Variants in GAB2 observed in about 807,000 individuals in gnomAD.
The protein encoded by GAB2 is GRB2-associated-binding protein 2.
A neutral mutation model predicts 65.5 loss-of-function variants in GAB2; 26 were observed. That is an observed-to-expected ratio of 0.40 (90% CI 0.29 to 0.55). The LOEUF is 0.55. GAB2 is among the 20% of genes least tolerant of loss of function. The pLI is 0.53. For missense variants in GAB2, 884 were observed against 875.8 expected, an observed-to-expected ratio of 1.01 and a Z score of -0.12; for synonymous variants, 321 against 329.6, an observed-to-expected ratio of 0.97 and a Z score of 0.28.
At chr11:78,329,734 C>G (rs11237456) in intron 1 of GAB2, among the ~76,000 whole-genome samples, 38,903 of 152,108 alleles carry the variant, frequency 0.26, 5,658 homozygotes, top group East Asian at 0.41. Flanking sequence ...ACTAGAAACA[C>G]AGAGATCTGT....
chr11:78,402,843 C>T (rs745635646), intron 1 of GAB2, among the ~76,000 whole-genome samples: 39 of 152,170 alleles, frequency 2.6e-4, no homozygotes, highest in Non-Finnish European at 5.0e-4. Flanking sequence ...TGCCCCAGCC[C>T]GCCCCACCAC....
intron 1 of GAB2, among the ~76,000 whole-genome samples, chr11:78,299,657 A>T (rs551637071): frequency 2.8e-4 from 42 of 152,346 alleles, no homozygotes; most frequent in Non-Finnish European, 5.4e-4. Context: ...ATTCTACAAA[A>T]ATGGAGGGAA....
chr11:78,228,190 G>C (rs922182735), intron 3 of GAB2, among the ~76,000 whole-genome samples: 1 of 152,118 alleles, frequency 6.6e-6, no homozygotes, highest in Non-Finnish European at 1.5e-5. Flanking sequence ...CAAGCCCTTC[G>C]TTTCACAAGA....
At chr11:78,413,534 T>C (rs1857155681) in intron 1 of GAB2, among the ~76,000 whole-genome samples, 1 of 152,124 alleles carries the variant, frequency 6.6e-6, no homozygotes, top group Non-Finnish European at 1.5e-5. Flanking sequence ...TTTGTCAGAA[T>C]AGCTTTGGTG....
In GAB2 at chr11:78,226,560, T is replaced by A. The variant is rs370811607; in HGVS notation, c.1112A>T (p.Gln371Leu). The part of the protein sequence containing the change: ...AETPRWGSPQ[Q>L]RPPISENSRS... ...GCTATTTTCACTGATTGGCGGTCTC[T>A]GCTGAGGACTGCCCCATCGAGGTGT... The change falls in exon 4 of 10, where the codon CAG becomes CTG. Residue 371 changes from glutamine (Q) to leucine (L), a missense_variant. By Grantham distance (113) the Gln-to-Leu change is moderately radical. Transcript: ENST00000361507. 6.8e-7 allele frequency: 1 copy of A among 1,465,362 alleles called. No homozygotes were observed. The allele number at this position is 1,465,362 out of a possible 1,614,324, so 90.8% of individuals were successfully genotyped here. A position where few individuals can be genotyped will look rare whatever the true frequency, so the allele number is the denominator to read the frequency against.
At chr11:78,245,089 A>G (rs1865259913) in intron 3 of GAB2, among the ~76,000 whole-genome samples, 1 of 152,208 alleles carries the variant, frequency 6.6e-6, no homozygotes, top group South Asian at 2.1e-4. Context: ...GAGTCCATGT[A>G]TATGAGGCAT....
intron 1 of GAB2, among the ~76,000 whole-genome samples, chr11:78,402,450 A>G (rs528490822): frequency 6.6e-6 from 1 of 151,548 alleles, no homozygotes; most frequent in Non-Finnish European, 1.5e-5. Flanking sequence ...TTTTTTTGAG[A>G]CAGAGTTTCA....
intron 1 of GAB2, among the ~76,000 whole-genome samples, chr11:78,408,892 T>C (rs1857089554): frequency 6.6e-6 from 1 of 152,232 alleles, no homozygotes; most frequent in African/African-American, 2.4e-5. Context: ...TCCCCAGCCA[T>C]GCTTCCTGTA....
intron 2 of GAB2, 138 bp downstream of exon 2, chr11:78,280,463 C>CCCCTTCACA: frequency 1.4e-6 from 1 of 740,270 alleles, no homozygotes; most frequent in Non-Finnish European, 2.3e-6. Flanking sequence ...ATTTGGCCAA[C>CCCCTTCACA]CCCTTCACAC....
intron 5 of GAB2, among the ~76,000 whole-genome samples, chr11:78,224,310 C>T (rs1032322735): frequency 3.9e-5 from 6 of 152,128 alleles, no homozygotes; most frequent in Non-Finnish European, 5.9e-5. Flanking sequence ...CTGCCCTCCA[C>T]CTCAAGTCCA....
chr11:78,273,604 T>G (rs936705969), intron 2 of GAB2, among the ~76,000 whole-genome samples: 1 of 152,218 alleles, frequency 6.6e-6, no homozygotes, highest in Non-Finnish European at 1.5e-5. Context: ...GGCCTTGCCT[T>G]GGATGAGACT....
At chr11:78,346,722 A>ATATATATATATT (rs1565168352) in intron 1 of GAB2, among the ~76,000 whole-genome samples, 26 of 30,786 alleles carry the variant, frequency 8.4e-4, no homozygotes, top group South Asian at 1.1e-3. Flanking sequence ...TATATATATA[A>ATATATATATATT]TTTTTTTTTT....
chr11:78,264,807 A>G lies in GAB2; in HGVS notation c.377-14407T>C, dbSNP rs574517348. 2.0e-4 allele frequency among the ~76,000 whole-genome samples: 31 copies of G among 152,338 alleles called. No homozygotes were observed. The South Asian group carries it at 6.4e-3, about 32-fold the overall frequency. The stretch of plus-strand genomic sequence containing the variant: ...TATTTGATAAACATATTAATCACAC[A>G]TAGCAAAAAGGTTTTTGAGTTTGGG... On this transcript the variant is annotated intron_variant, in intron 2 of 9. Coordinates refer to ENST00000361507, the MANE Select transcript of GAB2 (RefSeq NM_080491.3).
At chr11:78,358,968 A>T (rs765189964) in intron 1 of GAB2, among the ~76,000 whole-genome samples, 1 of 152,246 alleles carries the variant, frequency 6.6e-6, no homozygotes, top group Non-Finnish European at 1.5e-5. Flanking sequence ...TTGAAATGAA[A>T]AAGTCCATGG....
chr11:78,352,378 C>CGTCA (rs1306941799), intron 1 of GAB2, among the ~76,000 whole-genome samples: 1 of 152,188 alleles, frequency 6.6e-6, no homozygotes, highest in African/African-American at 2.4e-5. Context: ...TTCACAGAAC[C>CGTCA]CGTCATAAGG....
intron 1 of GAB2, among the ~76,000 whole-genome samples, chr11:78,360,976 C>T (rs986023120): frequency 1.3e-5 from 2 of 152,100 alleles, no homozygotes; most frequent in African/African-American, 4.8e-5. Context: ...CTATTACAAC[C>T]ATATGGTAAA....
chr11:78,233,911 C>T (rs894310088), intron 3 of GAB2, among the ~76,000 whole-genome samples: 18 of 152,096 alleles, frequency 1.2e-4, no homozygotes, highest in Non-Finnish European at 1.9e-4. Flanking sequence ...ACGCCCAGCC[C>T]ATTTTCTTTT....
intron 1 of GAB2, among the ~76,000 whole-genome samples, chr11:78,350,785 A>G (rs547559911): frequency 1.2e-4 from 18 of 152,308 alleles, no homozygotes; most frequent in African/African-American, 4.3e-4. Flanking sequence ...CACGTTAAGA[A>G]TTCACCACAG....
intron 1 of GAB2, among the ~76,000 whole-genome samples, chr11:78,296,868 T>C (rs181330105): frequency 2.6e-5 from 4 of 152,324 alleles, no homozygotes; most frequent in Non-Finnish European, 5.9e-5. Context: ...ACCAGCAGAT[T>C]TGGTGCCTGG....
Sources: gnomAD v4.1 joint callset for allele counts (sites outside exome capture counted in the v4.1 genomes callset) on GRCh38, gnomAD v4.1.1 for gene constraint, MANE v1.5 for transcripts, NCBI Gene and HGNC (gene_info 2026-07-23, HGNC 2026-07-21) for gene names.